CHST9: variants seen among roughly 807,000 people sequenced by gnomAD.
CHST9 encodes the protein GalNAc-4-sulfotransferase 2.
Under a neutral mutation model 44.4 loss-of-function variants are expected in CHST9, and 41 were observed. The ratio of observed to expected loss-of-function variants is 0.92; its 90% CI spans 0.72 to 1.20. The LOEUF (loss-of-function observed/expected upper bound fraction) is 1.20. Ranked by LOEUF, CHST9 falls within the 50% of genes most tolerant of loss-of-function variation. The pLI is 0.00. For missense variants in CHST9, 504 were observed against 516.5 expected (o/e 0.98, Z 0.23); for synonymous variants, 171 against 178.4 (o/e 0.96, Z 0.33).
chr18:27,128,358 C>T (rs1300342560), intron 2 of CHST9, among the ~76,000 whole-genome samples: 1 of 152,204 alleles, frequency 6.6e-6, no homozygotes, highest in East Asian at 1.9e-4. Context: ...CAACCTCCGC[C>T]TCCCAGGTTC....
chr18:27,120,914 G>A (rs561476668), intron 2 of CHST9, among the ~76,000 whole-genome samples: 5 of 152,176 alleles, frequency 3.3e-5, no homozygotes, highest in Non-Finnish European at 7.4e-5. Flanking sequence ...AGGTCATTTT[G>A]TGAGCTCCTT....
intron 3 of CHST9, 117 bp downstream of exon 3, chr18:27,048,348 T>C (rs1338129799): frequency 5.1e-6 from 4 of 781,954 alleles, no homozygotes; most frequent in South Asian, 1.7e-5. Flanking sequence ...TATCGATCAG[T>C]TCAAAAACCA....
intron 4 of CHST9, among the ~76,000 whole-genome samples, chr18:27,010,154 T>G (rs182759628): frequency 2.4e-4 from 36 of 152,200 alleles, no homozygotes; most frequent in Non-Finnish European, 4.7e-4. Flanking sequence ...ACGTATTTTT[T>G]TCATATGAAG....
intron 5 of CHST9, chr18:26,925,862 GGTAA>G (rs1488929746): frequency 6.6e-6 from 1 of 152,040 alleles, no homozygotes; most frequent in African/African-American, 2.4e-5. Context: ...GCAGTTTTTA[GGTAA>G]GTATTTGTTT....
At chr18:26,969,102 C>G (rs2056504278) in intron 4 of CHST9, among the ~76,000 whole-genome samples, 1 of 151,590 alleles carries the variant, frequency 6.6e-6, no homozygotes, top group South Asian at 2.1e-4. Flanking sequence ...GGGTTCACGC[C>G]ATTCTCCTGC....
chr18:26,952,090 A>T, intron 4 of CHST9: 1 of 403,886 alleles, frequency 2.5e-6, no homozygotes, highest in Non-Finnish European at 4.8e-6. Context: ...AAGACAGAGC[A>T]ATACTCGAAC....
At chr18:27,167,215 C>T (rs2058797636) in intron 1 of CHST9, among the ~76,000 whole-genome samples, 2 of 152,120 alleles carry the variant, frequency 1.3e-5, no homozygotes, top group Non-Finnish European at 2.9e-5. Context: ...AGTCAATTTG[C>T]CAGAGTGGCT....
intron 2 of CHST9, among the ~76,000 whole-genome samples, chr18:27,076,936 G>A (rs2057910688): frequency 6.6e-6 from 1 of 152,178 alleles, no homozygotes; most frequent in South Asian, 2.1e-4. Flanking sequence ...GAGGTGATCT[G>A]TCAAATGGAC....
intron 4 of CHST9, among the ~76,000 whole-genome samples, chr18:27,005,209 A>G (rs966635553): frequency 6.6e-6 from 1 of 152,178 alleles, no homozygotes; most frequent in African/African-American, 2.4e-5. Context: ...TGTCTGTAAA[A>G]TGGGAATACT....
intron 1 of CHST9, among the ~76,000 whole-genome samples, chr18:27,165,032 A>T (rs78145437): frequency 0.029 from 4,423 of 152,316 alleles, 147 homozygotes; most frequent in East Asian, 0.2. Context: ...CCTGATCTGA[A>T]AAAGGAGAGA....
At chr18:27,005,001 A>G (rs1345227102) in intron 4 of CHST9, among the ~76,000 whole-genome samples, 1 of 152,224 alleles carries the variant, frequency 6.6e-6, no homozygotes, top group Admixed American at 6.5e-5. Flanking sequence ...AGTTTGTGAA[A>G]CAACAAAATA....
At chr18:27,149,450 G>A (rs2058642142) in intron 1 of CHST9, among the ~76,000 whole-genome samples, 1 of 152,000 alleles carries the variant, frequency 6.6e-6, no homozygotes, top group African/African-American at 2.4e-5. Context: ...TCACTGATGG[G>A]CGTTTAGGTC....
chr18:27,113,641 A>T (rs1424811941), intron 2 of CHST9, among the ~76,000 whole-genome samples: 1 of 152,142 alleles, frequency 6.6e-6, no homozygotes, highest in Non-Finnish European at 1.5e-5. Flanking sequence ...ACACAGCAAG[A>T]AGGTGCCATC....
intron 1 of CHST9, among the ~76,000 whole-genome samples, chr18:27,171,530 A>C (rs528468903): frequency 4.6e-5 from 7 of 152,318 alleles, no homozygotes; most frequent in African/African-American, 1.7e-4. Context: ...AAGATTCTAC[A>C]TTTCATTTTT....
intron 2 of CHST9, among the ~76,000 whole-genome samples, chr18:27,071,364 T>C (rs1037295783): frequency 1.3e-5 from 2 of 152,216 alleles, no homozygotes; most frequent in African/African-American, 4.8e-5. Context: ...ACTATAAAAC[T>C]GGAAATGATC....
intron 2 of CHST9, among the ~76,000 whole-genome samples, chr18:27,066,245 C>T (rs1414734359): frequency 2.0e-5 from 3 of 152,104 alleles, no homozygotes; most frequent in Admixed American, 6.6e-5. Context: ...AGCGAGAGGG[C>T]CAGCATTTGG....
At chr18:27,023,270 A>T (rs2143460126) in intron 4 of CHST9, among the ~76,000 whole-genome samples, 1 of 152,318 alleles carries the variant, frequency 6.6e-6, no homozygotes, top group South Asian at 2.1e-4. Flanking sequence ...CAAAATTAGA[A>T]TTTATATTTA....
At chr18:27,033,244 G>A (rs1334682706) in intron 3 of CHST9, among the ~76,000 whole-genome samples, 1 of 152,186 alleles carries the variant, frequency 6.6e-6, no homozygotes, top group Non-Finnish European at 1.5e-5. Context: ...TCCTGTCACC[G>A]TGGTTTGTAC....
chr18:27,092,344 A>G (rs1234764055), intron 2 of CHST9, among the ~76,000 whole-genome samples: 1 of 151,210 alleles, frequency 6.6e-6, no homozygotes, highest in Non-Finnish European at 1.5e-5. Flanking sequence ...TTTTTTCTTT[A>G]TCAGTCTTGC....
Sources: allele counts gnomAD v4.1 joint callset (sites outside exome capture counted in the v4.1 genomes callset), GRCh38; gene constraint gnomAD v4.1.1; transcripts MANE v1.5; gene names NCBI Gene and HGNC (gene_info 2026-07-23, HGNC 2026-07-21).